ZNF225: variants seen among roughly 807,000 people sequenced by gnomAD.
The protein encoded by ZNF225 is zinc finger protein 225.
Under a neutral mutation model 12.0 loss-of-function variants are expected in ZNF225, and 6 were observed. The ratio of observed to expected loss-of-function variants is 0.50; its 90% CI spans 0.27 to 0.98. The LOEUF (loss-of-function observed/expected upper bound fraction) is 0.98. Ranked by LOEUF, ZNF225 falls within the 50% of genes least tolerant of loss-of-function variation. ZNF225 has a pLI of 0.11. For missense variants in ZNF225, 763 were observed against 848.2 expected, an observed-to-expected ratio of 0.90 and a Z score of 1.25; for synonymous variants, 271 against 283.2, an observed-to-expected ratio of 0.96 and a Z score of 0.43.
intron 1 of ZNF225, among the ~76,000 whole-genome samples, chr19:44,114,998 A>G (rs919999189): frequency 6.6e-6 from 1 of 152,058 alleles, no homozygotes; most frequent in South Asian, 2.1e-4. Flanking sequence ...ACACTCCCTA[A>G]TTTTTTAGTT....
At chr19:44,125,856 T>C (rs1968136619) in intron 4 of ZNF225, among the ~76,000 whole-genome samples, 1 of 152,186 alleles carries the variant, frequency 6.6e-6, no homozygotes, top group Non-Finnish European at 1.5e-5. Context: ...ATTTTGCATT[T>C]CTATAAGTGT....
intron 4 of ZNF225, among the ~76,000 whole-genome samples, chr19:44,124,203 T>C (rs1440520901): frequency 6.6e-6 from 1 of 152,128 alleles, no homozygotes; most frequent in Non-Finnish European, 1.5e-5. Flanking sequence ...GAGGTTTTCA[T>C]GGGTTGTGTC....
intron 1 of ZNF225, among the ~76,000 whole-genome samples, chr19:44,113,864 G>T (rs1967881072): frequency 6.6e-6 from 1 of 152,180 alleles, no homozygotes; most frequent in Non-Finnish European, 1.5e-5. Flanking sequence ...ACTGAAAGCG[G>T]TAACACAAAT....
chr19:44,132,787 T>A lies in ZNF225; in HGVS notation c.*52T>A. The A allele has an allele frequency of 7.2e-7, 1 of 1,386,398 alleles. No individual in the cohort carries two copies. Among genetic ancestry groups the A allele is most frequent in the Non-Finnish European group, 9.7e-7 (1 of 1,034,836 alleles). 85.9% of individuals were successfully genotyped at this position (1,386,398 alleles called of 1,614,324 possible). A position where few individuals can be genotyped will look rare whatever the true frequency, so the allele number is the denominator to read the frequency against. ...TGTGATAGTTAATGCAAGTATACAA[T>A]GTGTAATGATCAAATCAGTGTAATT... is the stretch of plus-strand genomic sequence containing the variant. On this transcript the variant is annotated 3_prime_UTR_variant, in exon 5 of 5. Transcript: ENST00000262894.
In ZNF225 at chr19:44,131,643, G is replaced by A. The variant is rs575044652; in HGVS notation, c.1029G>A (p.Arg343=). ...SHRMVHTGEK[R]YKCEECGKRF... is the part of the protein sequence containing the mutation. ...GCATGGTCCACACAGGAGAGAAACG[G>A]TACAAATGTGAGGAATGTGGAAAAC... is the stretch of plus-strand genomic sequence containing the variant. Residue 343 remains arginine, a synonymous_variant, in exon 5 of 5, where the codon CGG becomes CGA. Coordinates refer to ENST00000262894, the MANE Select transcript of ZNF225 (RefSeq NM_013362.4). 3.7e-6 allele frequency: 6 copies of A among 1,614,092 alleles called. No individual in the cohort carries two copies. In the South Asian group the frequency reaches 6.6e-5, roughly 18 times the overall value.
At chr19:44,126,013 C>G (rs765796315) in intron 4 of ZNF225, among the ~76,000 whole-genome samples, 1 of 152,096 alleles carries the variant, frequency 6.6e-6, no homozygotes, top group Non-Finnish European at 1.5e-5. Context: ...AGCTTAATAA[C>G]TAACCTCCTG....
chr19:44,119,195 C>T (rs1968007098), intron 4 of ZNF225, among the ~76,000 whole-genome samples: 1 of 152,188 alleles, frequency 6.6e-6, no homozygotes, highest in Non-Finnish European at 1.5e-5. Context: ...TCCCCCACCA[C>T]CTCTCTGACT....
chr19:44,115,500 C>T, intron 1 of ZNF225: 1 of 219,738 alleles, frequency 4.6e-6, no homozygotes, highest in Non-Finnish European at 9.0e-6. Context: ...ATAATGTTTC[C>T]AAAGTTCATG....
upstream of ZNF225, chr19:44,113,344 G>A (rs763478915): frequency 6.6e-6 from 1 of 152,134 alleles, no homozygotes; most frequent in South Asian, 2.1e-4. Context: ...CAGACGCTCG[G>A]GGTCGTCGCG....
At chr19:44,112,929 G>A (rs1967859310), upstream of ZNF225, 1 of 152,144 alleles carries the variant, frequency 6.6e-6, no homozygotes, top group South Asian at 2.1e-4. Flanking sequence ...AGAAATTCCT[G>A]TCTATTCAGT....
chr19:44,118,690 T>C, intron 4 of ZNF225, 116 bp downstream of exon 4: 3 of 1,053,018 alleles, frequency 2.8e-6, no homozygotes, highest in Non-Finnish European at 4.1e-6. Flanking sequence ...CCTGAATTAT[T>C]ACAGCTGACT....
chr19:44,121,501 A>C (rs1332208015), intron 4 of ZNF225, among the ~76,000 whole-genome samples: 1 of 152,124 alleles, frequency 6.6e-6, no homozygotes, highest in African/African-American at 2.4e-5. Flanking sequence ...TTTCCTCTGG[A>C]TAGATACCCA....
At position 44,120,929 on chromosome 19, in the gene ZNF225, C is replaced by G. The variant is rs144835201; in HGVS notation, c.235+2355C>G. Among the ~76,000 whole-genome samples, 440 of 151,670 alleles carry G rather than the reference C, an allele frequency of 2.9e-3. 7 individuals carry two copies. The highest frequency in any genetic ancestry group is 1.7e-3 in the East Asian group (9 of 5,164). On this transcript the variant is annotated intron_variant, in intron 4 of 4. Transcript: ENST00000262894. Reference sequence around the variant, plus strand: ...TTTTTTTTTTTTAAGCAGAGTCTCGCTCTGTTGCCCAGGCTGGAGTGCAGT... The same window carrying G: ...TTTTTTTTTTTTAAGCAGAGTCTCGGTCTGTTGCCCAGGCTGGAGTGCAGT...
chr19:44,124,648 C>T (rs1207597226), intron 4 of ZNF225, among the ~76,000 whole-genome samples: 2 of 152,104 alleles, frequency 1.3e-5, no homozygotes, highest in Non-Finnish European at 2.9e-5. Flanking sequence ...TTGCTGTCTA[C>T]CACATTTCTT....
At position 44,118,683 on chromosome 19, in the gene ZNF225, G is replaced by A. The variant is rs1967993052; in HGVS notation, c.235+109G>A. On this transcript the variant is annotated intron_variant, in intron 4 of 4. Coordinates refer to ENST00000262894, the MANE Select transcript of ZNF225 (RefSeq NM_013362.4). ...GTCTAAATGGCCAGACCTCTTTCCT[G>A]AATTATTACAGCTGACTTTCGGCTG... 2.7e-6 allele frequency: 3 copies of A among 1,109,020 alleles called. No homozygotes were observed. In the Admixed American group the frequency reaches 8.0e-5, roughly 30 times the overall value. The allele number at this position is 1,109,020 out of a possible 1,614,324, so 68.7% of individuals were successfully genotyped here.
intron 2 of ZNF225, among the ~76,000 whole-genome samples, chr19:44,117,704 A>G (rs1193631790): frequency 6.6e-6 from 1 of 152,176 alleles, no homozygotes; most frequent in Non-Finnish European, 1.5e-5. Flanking sequence ...CATTATCAGG[A>G]TACAGACAGA....
At position 44,131,492 on chromosome 19, in the gene ZNF225, G is replaced by A; in HGVS notation, c.878G>A (p.Cys293Tyr). Residue 293 changes from cysteine to tyrosine, a missense_variant, in exon 5 of 5, where the codon TGT (cysteine) becomes TAT (tyrosine). Coordinates refer to ENST00000262894, the MANE Select transcript of ZNF225 (RefSeq NM_013362.4). ...GAGAAGCCATTCAAATGTGATATAT[G>A]TTGTAAGAGCTTCCGTAGTAGAGCA... ...TGEKPFKCDI[C>Y]CKSFRSRANL... is the part of the protein sequence containing the mutation. 1 of 1,614,166 alleles carries A rather than the reference G, an allele frequency of 6.2e-7. No homozygotes were observed. The highest frequency in any genetic ancestry group is 2.2e-5 in the East Asian group (1 of 44,880).
intron 4 of ZNF225, among the ~76,000 whole-genome samples, chr19:44,120,395 A>G (rs1968030223): frequency 6.6e-6 from 1 of 152,220 alleles, no homozygotes; most frequent in Non-Finnish European, 1.5e-5. Context: ...GTTCTGGTAC[A>G]TGGCAGGTAT....
rs146895973 is a variant in ZNF225, at chr19:44,123,969, TTTTTGTTTTG to T, written c.235+5419_235+5428del. Among the ~76,000 whole-genome samples the T allele has an allele frequency of 6.9e-3, 1,046 of 151,844 alleles. 11 individuals carry two copies. The highest frequency in any genetic ancestry group is 0.022 in the African/African-American group (912 of 41,244). On this transcript the variant is annotated intron_variant, in intron 4 of 4. Coordinates refer to ENST00000262894, the MANE Select transcript of ZNF225 (RefSeq NM_013362.4). ...TTTTTGTTTCATTTATCTTTTGTATTTTTTGTTTTGTTTTGTTTTGTTTTGTTTTGTTTCA... is the reference window on the plus strand; with the variant it reads ...TTTTTGTTTCATTTATCTTTTGTATTTTTTGTTTTGTTTTGTTTTGTTTCA...
Sources: gnomAD v4.1 joint callset for allele counts (sites outside exome capture counted in the v4.1 genomes callset) on GRCh38, gnomAD v4.1.1 for gene constraint, MANE v1.5 for transcripts, NCBI Gene and HGNC (gene_info 2026-07-23, HGNC 2026-07-21) for gene names.